The following LIMCH1 variants were observed in gnomAD, a reference collection of about 807,000 sequenced individuals.
LIMCH1 encodes the protein LIM and calponin homology domains-containing protein 1.
LIMCH1 carries 113 observed loss-of-function variants against 176.5 expected under a neutral mutation model. The ratio of observed to expected loss-of-function variants is 0.64; its 90% CI spans 0.55 to 0.75. The LOEUF (loss-of-function observed/expected upper bound fraction) is 0.75. LIMCH1 is among the 30% of genes least tolerant of loss of function. LIMCH1 has a pLI of 0.00. For missense variants in LIMCH1, 1,674 were observed against 1,814.9 expected (o/e 0.92, Z 1.41); for synonymous variants, 619 against 645.9 (o/e 0.96, Z 0.63).
At chr4:41,596,756 T>C (rs982299365) in intron 1 of LIMCH1, among the ~76,000 whole-genome samples, 3 of 152,264 alleles carry the variant, frequency 2.0e-5, no homozygotes, top group East Asian at 3.9e-4. Context: ...AATTTAAAAA[T>C]GTGGAAAGTA....
At chr4:41,457,162 T>A (rs933045254) in intron 1 of LIMCH1, among the ~76,000 whole-genome samples, 1 of 152,176 alleles carries the variant, frequency 6.6e-6, no homozygotes, top group Non-Finnish European at 1.5e-5. Context: ...GATACATAGC[T>A]CTCAATTTAG....
At chr4:41,399,247 T>G (rs921579267) in intron 1 of LIMCH1, among the ~76,000 whole-genome samples, 6 of 152,174 alleles carry the variant, frequency 3.9e-5, no homozygotes, top group African/African-American at 1.4e-4. Context: ...ACTTCATTAT[T>G]TATTTGCTTG....
At chr4:41,367,968 A>AT (rs1368089722) in intron 1 of LIMCH1, among the ~76,000 whole-genome samples, 1 of 151,368 alleles carries the variant, frequency 6.6e-6, no homozygotes, top group East Asian at 1.9e-4. Flanking sequence ...CCTCAGCCTT[A>AT]TTTTTTTGCC....
intron 1 of LIMCH1, among the ~76,000 whole-genome samples, chr4:41,557,546 C>CTGTGTATGTGTGTGTG (rs375027661): frequency 2.0e-5 from 3 of 147,732 alleles, no homozygotes; most frequent in African/African-American, 7.5e-5. Flanking sequence ...TTTATTGCCT[C>CTGTGTATGTGTGTGTG]TGTGTGTGTG....
At chr4:41,654,949 C>T (rs2094422740) in intron 18 of LIMCH1, among the ~76,000 whole-genome samples, 2 of 152,098 alleles carry the variant, frequency 1.3e-5, no homozygotes, top group South Asian at 4.2e-4. Flanking sequence ...AAAATACTGG[C>T]TTCTGTAAGA....
intron 1 of LIMCH1, among the ~76,000 whole-genome samples, chr4:41,378,292 T>G (rs2055083085): frequency 6.6e-6 from 1 of 152,230 alleles, no homozygotes; most frequent in Non-Finnish European, 1.5e-5. Flanking sequence ...AGAGTCAGCC[T>G]GAATCGCAAA....
rs569146565 is a variant in LIMCH1, at chr4:41,374,420, C to T, written c.96+13484C>T. ...CATGGGGACTCTGGTTCCCAAGCAG[C>T]CTGATGAACCCTGGTATTGCTCTGA... On this transcript the variant is annotated intron_variant, in intron 1 of 26. Coordinates refer to the LIMCH1 transcript ENST00000313860. Among the ~76,000 whole-genome samples, 40 of 152,208 alleles carry T rather than the reference C, an allele frequency of 2.6e-4. No individual in the cohort carries two copies. In the South Asian group the frequency reaches 8.1e-3, roughly 31 times the overall value.
At chr4:41,620,285 A>G (rs1216093907) in intron 6 of LIMCH1, 139 bp from the exon 7 acceptor site, 1 of 827,490 alleles carries the variant, frequency 1.2e-6, no homozygotes, top group Non-Finnish European at 1.8e-6. Flanking sequence ...AATTTTCTTC[A>G]CATTATCAGG....
At chr4:41,544,640 G>A (rs189568376) in intron 1 of LIMCH1, among the ~76,000 whole-genome samples, 1 of 152,174 alleles carries the variant, frequency 6.6e-6, no homozygotes, top group East Asian at 1.9e-4. Flanking sequence ...GCAAGGCTGG[G>A]TGGTTCTTCT....
intron 1 of LIMCH1, chr4:41,473,269 G>A (rs1561481065): frequency 1.2e-6 from 1 of 818,174 alleles, no homozygotes; most frequent in Non-Finnish European, 1.5e-6. Context: ...TTGTCATTTT[G>A]TGCAATGGTA....
intron 7 of LIMCH1, among the ~76,000 whole-genome samples, chr4:41,625,927 C>T (rs2152843578): frequency 6.6e-6 from 1 of 152,096 alleles, no homozygotes. Context: ...TTCAGGGGTT[C>T]AAGCAGAAGA....
chr4:41,606,019 C>G lies in LIMCH1; in HGVS notation c.9+15C>G, dbSNP rs369179579. The G allele has an allele frequency of 2.3e-5, 35 of 1,552,676 alleles. No individual in the cohort carries two copies. Among genetic ancestry groups the G allele is most frequent in the Middle Eastern group, 1.7e-4 (1 of 5,958 alleles). On this transcript the variant is annotated intron_variant, in intron 4 of 31. Transcript: ENST00000503057. ...AGATGCGAAAGGTAACTTGGCTTTT[C>G]TTCTTTATCCCATAAGCGTTAGACA...
At chr4:41,396,691 A>G (rs968860030) in intron 1 of LIMCH1, among the ~76,000 whole-genome samples, 6 of 152,102 alleles carry the variant, frequency 3.9e-5, no homozygotes, top group Non-Finnish European at 8.8e-5. Flanking sequence ...ACTTGAGGTC[A>G]GGAGTTCGAG....
chr4:41,486,005 G>A (rs558507121), intron 1 of LIMCH1, among the ~76,000 whole-genome samples: 4 of 152,314 alleles, frequency 2.6e-5, no homozygotes, highest in South Asian at 4.2e-4. Context: ...TGGAAAGATA[G>A]AGGTCAAGCA....
At chr4:41,498,715 G>A (rs1473640608) in intron 2 of LIMCH1, among the ~76,000 whole-genome samples, 1 of 152,224 alleles carries the variant, frequency 6.6e-6, no homozygotes, top group Non-Finnish European at 1.5e-5. Flanking sequence ...TCCCAGGTTG[G>A]AGTCATTAGC....
chr4:41,692,271 T>C lies in LIMCH1; in HGVS notation c.4276-11T>C. 2 of 1,543,618 alleles carry C rather than the reference T, an allele frequency of 1.3e-6. No homozygotes were observed. The highest frequency in any genetic ancestry group is 2.2e-5 in the East Asian group (1 of 44,548). On this transcript the variant is annotated splice_polypyrimidine_tract_variant and intron_variant, in intron 30 of 31. Coordinates refer to ENST00000503057, the MANE Select transcript of LIMCH1 (RefSeq NM_001330672.2). ...ATGCATCTTATGATGTCTGTTCTTTTTACCCTATAGTGTGGAATTTGTAAA... is the reference window on the plus strand; with the variant it reads ...ATGCATCTTATGATGTCTGTTCTTTCTACCCTATAGTGTGGAATTTGTAAA...
chr4:41,585,242 C>A (rs2086230742), intron 1 of LIMCH1, among the ~76,000 whole-genome samples: 1 of 152,150 alleles, frequency 6.6e-6, no homozygotes, highest in South Asian at 2.1e-4. Flanking sequence ...TTTGTTTTAC[C>A]TTCTGTCTCT....
At chr4:41,627,072 G>GAGA in intron 8 of LIMCH1, 62 bp downstream of exon 8, 4 of 1,481,522 alleles carry the variant, frequency 2.7e-6, no homozygotes, top group Non-Finnish European at 2.7e-6. Context: ...GAGACACAGG[G>GAGA]AGAGAGGACA....
At position 41,692,386 on chromosome 4, in the gene LIMCH1, T is replaced by G. The variant is rs1302468394; in HGVS notation, c.4378+2T>G. The stretch of plus-strand genomic sequence containing the variant: ...ATGATTGCTACATGCGATCCAGAAG[T>G]AAGTACTGGGGAGAATGCCTCATGA... On this transcript the variant is annotated splice_donor_variant, in intron 31 of 31. Coordinates refer to ENST00000503057, the MANE Select transcript of LIMCH1 (RefSeq NM_001330672.2). LOFTEE classifies it high-confidence loss of function. The G allele has an allele frequency of 6.3e-7, 1 of 1,583,352 alleles. No individual in the cohort carries two copies.
Sources: allele counts gnomAD v4.1 joint callset (sites outside exome capture counted in the v4.1 genomes callset), GRCh38; gene constraint gnomAD v4.1.1; transcripts MANE v1.5; gene names NCBI Gene and HGNC (gene_info 2026-07-23, HGNC 2026-07-21).